Variants in EPS8L3 observed in about 807,000 individuals in gnomAD.
EPS8L3 encodes the protein EPS8 signaling adaptor L3.
Under a neutral mutation model 88.5 loss-of-function variants are expected in EPS8L3, and 80 were observed. That is an observed-to-expected ratio of 0.90 (90% confidence interval 0.75 to 1.09). EPS8L3 has a LOEUF of 1.09. Among genes scored for constraint, EPS8L3 ranks in the 50% least tolerant of loss-of-function variants. The pLI, the probability that EPS8L3 is intolerant of heterozygous loss-of-function variation, is 0.00. For missense variants in EPS8L3, 721 were observed against 735.2 expected (o/e 0.98, Z 0.22); for synonymous variants, 286 against 291.0 (o/e 0.98, Z 0.18).
intron 17 of EPS8L3, 133 bp from the exon 18 acceptor site, chr1:109,750,925 ATT>A: frequency 9.5e-7 from 1 of 1,052,070 alleles, no homozygotes; most frequent in Non-Finnish European, 1.4e-6. Flanking sequence ...GCTATCTGAG[ATT>A]GAAGGAGTAA....
Position 109,758,616 on chromosome 1 carries a change from G to A in EPS8L3, c.509C>T (p.Pro170Leu), listed in dbSNP as rs1157392588. 1 of 1,612,674 alleles carries A rather than the reference G, an allele frequency of 6.2e-7. No homozygotes were observed. ...CATAGGGAGCGGCCTTTCCATAGCA[G>A]GCCCCCTCCATCTGTCCTGGCCTGG... is the stretch of plus-strand genomic sequence containing the variant. ...LQPGQDRWRG[P>L]AMERPLPMEQ... The change falls in exon 7 of 19, where the codon CCT becomes CTT. Residue 170 changes from proline to leucine, a missense_variant. Pro to Leu is a moderately conservative substitution (Grantham distance 98, BLOSUM62 -3). Coordinates refer to ENST00000361965, the MANE Select transcript of EPS8L3 (RefSeq NM_133181.4).
At chr1:109,758,945 C>A in intron 6 of EPS8L3, 117 bp downstream of exon 6, 1 of 1,138,204 alleles carries the variant, frequency 8.8e-7, no homozygotes, top group South Asian at 1.4e-5. Context: ...CCTCCTCAGT[C>A]CAGGCCCAGG....
chr1:109,750,427 G>A (rs1649671069), intron 18 of EPS8L3, 25 bp from the exon 19 acceptor site: 1 of 1,613,026 alleles, frequency 6.2e-7, no homozygotes, highest in African/African-American at 1.3e-5. Flanking sequence ...AGATTCAGAT[G>A]AGGCTGATGG....
rs1253048108 is a variant in EPS8L3, at chr1:109,750,314, C to A, written c.*77G>T. On this transcript the variant is annotated 3_prime_UTR_variant, in exon 19 of 19. Coordinates refer to ENST00000361965, the MANE Select transcript of EPS8L3 (RefSeq NM_133181.4). ...CAAACTGGGATCCAGAAGAGGAATT[C>A]TCGGGGCTCTAATGGGTATCAGATC... 3.8e-6 allele frequency: 6 copies of A among 1,570,016 alleles called. No individual in the cohort carries two copies. The highest frequency in any genetic ancestry group is 2.6e-6 in the Non-Finnish European group (3 of 1,147,566).
At chr1:109,754,618 C>T (rs1650115490) in intron 12 of EPS8L3, among the ~76,000 whole-genome samples, 1 of 152,186 alleles carries the variant, frequency 6.6e-6, no homozygotes, top group South Asian at 2.1e-4. Flanking sequence ...ATGTGCTAAT[C>T]TGTTTTTCTA....
chr1:109,761,612 C>A, intron 2 of EPS8L3, 53 bp from the exon 3 acceptor site: 1 of 1,608,922 alleles, frequency 6.2e-7, no homozygotes, highest in Non-Finnish European at 8.5e-7. Flanking sequence ...CGAGGTGAGA[C>A]TCAGGCAACT....
rs1398540618 is a variant in EPS8L3, at chr1:109,758,387, G to C, written c.646C>G (p.Arg216Gly). The change falls in exon 8 of 19, where the codon CGA becomes GGA. Residue 216 changes from arginine to glycine, a missense_variant. Physicochemically the swap from Arg to Gly is moderately radical, Grantham distance 125. Coordinates refer to ENST00000361965, the MANE Select transcript of EPS8L3 (RefSeq NM_133181.4). ...GGCAGAGTAAAGGCACTTGGTTCTCGGGCACTGGTGTGGCGTGGCAGGGGC... is the reference window on the plus strand; with the variant it reads ...GGCAGAGTAAAGGCACTTGGTTCTCCGGCACTGGTGTGGCGTGGCAGGGGC... ...PRPLPRHTSA[R>G]EPSAFTLPPP... The C allele has an allele frequency of 1.9e-6, 3 of 1,612,796 alleles. No individual in the cohort carries two copies. The highest frequency in any genetic ancestry group is 1.7e-6 in the Non-Finnish European group (2 of 1,179,442).
chr1:109,757,517 AG>A lies in EPS8L3; in HGVS notation c.932del (p.Pro311LeufsTer11). ...ACTTGAAGAGGATGTGTACGAGCTC[AG>A]GGGCACTTGTCTCCTTCAGCCAGGT... is the stretch of plus-strand genomic sequence containing the variant. ...LATWLKETSA[P>X]ELVHILFKSL... On this transcript the variant is annotated frameshift_variant, in exon 11 of 19. Transcript: ENST00000361965. LOFTEE classifies it high-confidence loss of function. 1 of 1,614,112 alleles carries A rather than the reference AG, an allele frequency of 6.2e-7. No homozygotes were observed.
intron 8 of EPS8L3, 128 bp downstream of exon 8, chr1:109,758,188 C>G: frequency 7.8e-7 from 1 of 1,286,452 alleles, no homozygotes; most frequent in Non-Finnish European, 1.1e-6. Flanking sequence ...AAACAAGCCT[C>G]TCTGGCCTCC....
chr1:109,760,019 GGGGCCA>G (rs1650746741), intron 3 of EPS8L3, 183 bp from the exon 4 acceptor site: 1 of 628,954 alleles, frequency 1.6e-6, no homozygotes, highest in African/African-American at 1.8e-5. Context: ...TCGAAGCACT[GGGGCCA>G]GGGATAGGGC....
chr1:109,751,130 T>C, intron 17 of EPS8L3, 148 bp downstream of exon 17: 2 of 720,392 alleles, frequency 2.8e-6, no homozygotes, highest in Non-Finnish European at 4.6e-6. Flanking sequence ...TGGACACGCC[T>C]CTGCTCTGTC....
intron 8 of EPS8L3, 34 bp downstream of exon 8, chr1:109,758,282 A>G: frequency 6.3e-7 from 1 of 1,579,598 alleles, no homozygotes; most frequent in Non-Finnish European, 8.7e-7. Context: ...CAGGCCCAGA[A>G]AGCCTCAGCA....
intron 14 of EPS8L3, 81 bp from the exon 15 acceptor site, chr1:109,752,274 T>C: frequency 1.5e-6 from 2 of 1,356,586 alleles, no homozygotes; most frequent in Non-Finnish European, 2.0e-6. Context: ...TCCCCTCAGG[T>C]ATCTCCGGCC....
intron 12 of EPS8L3, 138 bp downstream of exon 12, chr1:109,756,879 A>C (rs1229106460): frequency 9.5e-7 from 1 of 1,058,164 alleles, no homozygotes; most frequent in Non-Finnish European, 1.4e-6. Flanking sequence ...AAAAGTTGGG[A>C]ACTCTCTGTA....
chr1:109,763,606 A>G (rs748043508), intron 1 of EPS8L3, among the ~76,000 whole-genome samples: 14 of 152,120 alleles, frequency 9.2e-5, no homozygotes, highest in Non-Finnish European at 1.6e-4. Flanking sequence ...TGGGGCAAGC[A>G]TCCCAGAGGC....
intron 3 of EPS8L3, chr1:109,761,257 C>G (rs560949767): frequency 2.0e-6 from 1 of 495,798 alleles, no homozygotes; most frequent in Non-Finnish European, 3.6e-6. Flanking sequence ...AGGACACTCA[C>G]CCGCTCAACC....
At position 109,759,935 on chromosome 1, in the gene EPS8L3, C is replaced by T; in HGVS notation, c.97-99G>A. ...AAAGCAGAAGAGGAAGAAGACGTGTCCTCGGCCCCCTTGAGGTAGGAGGTT... is the reference window on the plus strand; with the variant it reads ...AAAGCAGAAGAGGAAGAAGACGTGTTCTCGGCCCCCTTGAGGTAGGAGGTT... On this transcript the variant is annotated intron_variant, in intron 3 of 18. Coordinates refer to ENST00000361965, the MANE Select transcript of EPS8L3 (RefSeq NM_133181.4). The surrounding 1 kb of genome is among the most constrained non-coding windows in gnomAD (Gnocchi z 4.2). The T allele has an allele frequency of 7.6e-7, 1 of 1,311,164 alleles. No homozygotes were observed. The highest frequency in any genetic ancestry group is 1.4e-5 in the South Asian group (1 of 72,062). The allele number at this position is 1,311,164 out of a possible 1,614,324, so 81.2% of individuals were successfully genotyped here.
Position 109,757,113 on chromosome 1 carries a change from AGGGGT to A in EPS8L3, c.1017_1021del (p.Leu341HisfsTer3). 1 of 1,614,010 alleles carries A rather than the reference AGGGGT, an allele frequency of 6.2e-7. No homozygotes were observed. The highest frequency in any genetic ancestry group is 8.5e-7 in the Non-Finnish European group (1 of 1,179,946). ...CAGGTTGATAGCTTTAGGGGTGAGG[AGGGGT>A]GAGATCACTTGGGCTGCTAGGCCAG... On this transcript the variant is annotated frameshift_variant, in exon 12 of 19. Coordinates refer to ENST00000361965, the MANE Select transcript of EPS8L3 (RefSeq NM_133181.4). LOFTEE classifies it high-confidence loss of function.
Position 109,758,121 on chromosome 1 carries a change from C to G in EPS8L3, c.718-63G>C, listed in dbSNP as rs1650481855. 3.4e-6 allele frequency: 5 copies of G among 1,460,788 alleles called. No homozygotes were observed. The South Asian group carries it at 5.7e-5, about 17-fold the overall frequency. 90.5% of individuals were successfully genotyped at this position (1,460,788 alleles called of 1,614,324 possible). ...TGGGCCCACCCTGGAACTCCCCACA[C>G]TGCCCCCCGCACCCCTCCCCACCAC... On this transcript the variant is annotated intron_variant, in intron 8 of 18. Coordinates refer to ENST00000361965, the MANE Select transcript of EPS8L3 (RefSeq NM_133181.4).
Sources: gnomAD v4.1 joint callset for allele counts (sites outside exome capture counted in the v4.1 genomes callset) on GRCh38, gnomAD v4.1.1 for gene constraint, Gnocchi (gnomAD v3.1) non-coding constraint, MANE v1.5 for transcripts, NCBI Gene and HGNC (gene_info 2026-07-23, HGNC 2026-07-21) for gene names.